Variants in FOXP1 observed in about 807,000 individuals in gnomAD.
The protein encoded by FOXP1 is forkhead box P1.
In FOXP1, 15 loss-of-function variants were observed where a neutral mutation model predicts 98.2. That is an observed-to-expected ratio of 0.15 (90% confidence interval 0.10 to 0.24). FOXP1 has a LOEUF of 0.24. FOXP1 is among the 10% of genes least tolerant of loss of function. The pLI, the probability that FOXP1 is intolerant of heterozygous loss-of-function variation, is 1.00. For synonymous variants in FOXP1, 371 were observed against 314.5 expected (o/e 1.18, Z -1.90); for missense variants, 633 against 848.5 (o/e 0.75, Z 3.15).
intron 3 of FOXP1, among the ~76,000 whole-genome samples, chr3:71,492,642 C>A (rs1204330687): frequency 6.6e-6 from 1 of 152,064 alleles, no homozygotes; most frequent in Non-Finnish European, 1.5e-5. Context: ...AAATGCTATT[C>A]AATACAAACC....
intron 14 of FOXP1, among the ~76,000 whole-genome samples, chr3:70,981,265 G>T (rs1038425720): frequency 5.5e-5 from 8 of 144,952 alleles, no homozygotes; most frequent in Non-Finnish European, 1.2e-4. Context: ...AATCCACAAA[G>T]GAAGAGATGA....
intron 5 of FOXP1, among the ~76,000 whole-genome samples, chr3:71,273,262 TCTAA>T (rs1185785876): frequency 6.6e-6 from 1 of 152,116 alleles, no homozygotes; most frequent in Non-Finnish European, 1.5e-5. Flanking sequence ...AAGGAACAAG[TCTAA>T]CTAACAATCA....
intron 18 of FOXP1, chr3:70,971,963 C>A: frequency 7.4e-7 from 1 of 1,352,392 alleles, no homozygotes; most frequent in Non-Finnish European, 9.5e-7. Flanking sequence ...CCATGCAAAG[C>A]CAAAGCAACA....
chr3:71,282,187 C>T (rs1335086484), intron 5 of FOXP1, among the ~76,000 whole-genome samples: 1 of 151,950 alleles, frequency 6.6e-6, no homozygotes, highest in Non-Finnish European at 1.5e-5. Flanking sequence ...TCTGGTGGCA[C>T]GTAAGAAATG....
At chr3:71,517,359 C>A (rs1238478300) in intron 2 of FOXP1, among the ~76,000 whole-genome samples, 1 of 152,196 alleles carries the variant, frequency 6.6e-6, no homozygotes, top group African/African-American at 2.4e-5. Flanking sequence ...AAATAAGTAA[C>A]AATGCAAGAA....
intron 3 of FOXP1, among the ~76,000 whole-genome samples, chr3:71,409,451 C>T (rs182433384): frequency 1.1e-3 from 171 of 152,210 alleles, no homozygotes; most frequent in African/African-American, 3.9e-3. Context: ...AATGAATATG[C>T]TAATACAACC....
chr3:71,348,532 T>TGCGC (rs1553853186), intron 4 of FOXP1, among the ~76,000 whole-genome samples: 2 of 139,170 alleles, frequency 1.4e-5, no homozygotes, highest in Non-Finnish European at 3.2e-5. Context: ...CGTGTGTGTG[T>TGCGC]GTGTGTGTGT....
At position 70,958,133 on chromosome 3, in the gene FOXP1, T is replaced by TC. The variant is rs1211039643; in HGVS notation, c.*1113_*1114insG. On this transcript the variant is annotated 3_prime_UTR_variant, in exon 21 of 21. Transcript: ENST00000649528. ...TAATTAATATGAGCTTTTTTTTTTT[T>TC]TTCAGTGCTGCCTATGTTTCCTTGT... is the stretch of plus-strand genomic sequence containing the variant. 49 of 324,532 alleles carry TC rather than the reference T, an allele frequency of 1.5e-4. 1 individual carries two copies. The highest frequency in any genetic ancestry group is 9.7e-4 in the African/African-American group (46 of 47,392). 20.1% of individuals were successfully genotyped at this position (324,532 alleles called of 1,614,324 possible).
At chr3:71,222,026 G>A (rs772115535) in intron 5 of FOXP1, among the ~76,000 whole-genome samples, 3 of 152,114 alleles carry the variant, frequency 2.0e-5, no homozygotes, top group South Asian at 2.1e-4. Flanking sequence ...GGTGGCGTGC[G>A]CCAGTAGTCC....
At chr3:71,099,489 G>A (rs2056772624) in intron 7 of FOXP1, among the ~76,000 whole-genome samples, 1 of 152,092 alleles carries the variant, frequency 6.6e-6, no homozygotes. Context: ...TCCAGCCTGG[G>A]CGACAGATCG....
intron 5 of FOXP1, among the ~76,000 whole-genome samples, chr3:71,291,334 C>T (rs1186652869): frequency 6.6e-6 from 1 of 152,214 alleles, no homozygotes; most frequent in Non-Finnish European, 1.5e-5. Context: ...ATCATTTCAA[C>T]ATGTAATCGA....
intron 2 of FOXP1, among the ~76,000 whole-genome samples, chr3:71,532,447 A>G (rs957483197): frequency 1.3e-5 from 2 of 152,208 alleles, no homozygotes; most frequent in African/African-American, 4.8e-5. Context: ...GGATGGTCCC[A>G]CAAACCAAAT....
intron 4 of FOXP1, among the ~76,000 whole-genome samples, chr3:71,342,719 A>T (rs1288702): frequency 6.6e-6 from 1 of 151,376 alleles, no homozygotes; most frequent in Admixed American, 6.6e-5. Context: ...CCTTGATCCA[A>T]GTCTAAAATC....
chr3:71,313,620 G>C (rs1048242603), intron 4 of FOXP1, among the ~76,000 whole-genome samples: 1 of 151,640 alleles, frequency 6.6e-6, no homozygotes, highest in South Asian at 2.1e-4. Context: ...CCGCCTCCCG[G>C]GTTCCCGCCA....
At chr3:71,167,851 T>G (rs2061464416) in intron 6 of FOXP1, among the ~76,000 whole-genome samples, 1 of 152,226 alleles carries the variant, frequency 6.6e-6, no homozygotes, top group South Asian at 2.1e-4. Flanking sequence ...CATTTTATAT[T>G]TTTGTATTAC....
At position 71,487,334 on chromosome 3, in the gene FOXP1, G is replaced by A. The variant is rs139096029; in HGVS notation, c.-168+6092C>T. On this transcript the variant is annotated intron_variant, in intron 3 of 20. Transcript: ENST00000649528. ...CTTGGCTTCCCAGTGTTGGGATTACGGGCATGAGCCACAGCACCCAGCCCA... is the reference window on the plus strand; with the variant it reads ...CTTGGCTTCCCAGTGTTGGGATTACAGGCATGAGCCACAGCACCCAGCCCA... Among the ~76,000 whole-genome samples, 606 of 152,208 alleles carry A rather than the reference G, an allele frequency of 4.0e-3. 6 individuals are homozygous for A. The highest frequency in any genetic ancestry group is 5.9e-3 in the Non-Finnish European group (399 of 68,020).
At chr3:71,173,154 T>C (rs915053605) in intron 6 of FOXP1, among the ~76,000 whole-genome samples, 1 of 152,104 alleles carries the variant, frequency 6.6e-6, no homozygotes, top group Non-Finnish European at 1.5e-5. Flanking sequence ...TTTCCCCCTC[T>C]ACTGAAAGTT....
At chr3:71,449,966 T>A (rs936146959) in intron 3 of FOXP1, among the ~76,000 whole-genome samples, 1 of 152,218 alleles carries the variant, frequency 6.6e-6, no homozygotes, top group African/African-American at 2.4e-5. Context: ...GCATGAAATT[T>A]CTTTCCCAAC....
At chr3:71,534,051 C>T (rs2044084414) in intron 2 of FOXP1, among the ~76,000 whole-genome samples, 1 of 152,174 alleles carries the variant, frequency 6.6e-6, no homozygotes, top group Non-Finnish European at 1.5e-5. Flanking sequence ...TACTCAAGTC[C>T]TGCAGTCAGC....
Sources: gnomAD v4.1 joint callset for allele counts (sites outside exome capture counted in the v4.1 genomes callset) on GRCh38, gnomAD v4.1.1 for gene constraint, MANE v1.5 for transcripts, NCBI Gene and HGNC (gene_info 2026-07-23, HGNC 2026-07-21) for gene names.